Variants in RYR2 observed in about 807,000 individuals in gnomAD.
RYR2 encodes the protein cardiac muscle ryanodine receptor-calcium release channel.
A neutral mutation model predicts 601.1 loss-of-function variants in RYR2; 227 were observed. The observed-to-expected ratio is 0.38, with a 90% CI of 0.34 to 0.42. RYR2 has a LOEUF of 0.42. Ranked by LOEUF, RYR2 falls within the 10% of genes least tolerant of loss-of-function variation. The pLI is 1.00. For synonymous variants in RYR2, 2,223 were observed against 2,175.1 expected (o/e 1.02, Z -0.61); for missense variants, 4,646 against 6,156.5 (o/e 0.75, Z 8.21).
rs202231354 is a variant in RYR2 at position 237,441,432 on chromosome 1, T to C, written c.1119T>C (p.Thr373=). The part of the protein sequence containing the change: ...IQHVDTGLWL[T]YQSVDVKSVR... Reference sequence around the variant, plus strand: ...ATGTAGACACAGGCCTATGGCTTACTTACCAGTCTGTGGACGTGAAATCCG... The same window carrying C: ...ATGTAGACACAGGCCTATGGCTTACCTACCAGTCTGTGGACGTGAAATCCG... Residue 373 remains threonine (T), a synonymous_variant, in exon 13 of 105, where the codon ACT becomes ACC. Transcript: ENST00000366574. The C allele has an allele frequency of 1.2e-6, 2 of 1,608,372 alleles. No homozygotes were observed. The highest frequency in any genetic ancestry group is 1.7e-6 in the Non-Finnish European group (2 of 1,176,608).
At chr1:237,480,378 CAAAAAAA>C (rs61271895) in intron 17 of RYR2, among the ~76,000 whole-genome samples, 4 of 57,698 alleles carry the variant, frequency 6.9e-5, no homozygotes, top group Admixed American at 1.9e-4. Context: ...AAGATCATCT[CAAAAAAA>C]AAAAAAAAAA....
At chr1:237,664,646 G>T (rs1684127744) in intron 56 of RYR2, among the ~76,000 whole-genome samples, 1 of 152,262 alleles carries the variant, frequency 6.6e-6, no homozygotes, top group East Asian at 1.9e-4. Flanking sequence ...CTCCCACTGG[G>T]TACCCCCGAC....
At chr1:237,664,383 G>A (rs765680682) in intron 56 of RYR2, among the ~76,000 whole-genome samples, 13 of 152,126 alleles carry the variant, frequency 8.5e-5, no homozygotes, top group Non-Finnish European at 1.8e-4. Context: ...ACATTCTAAT[G>A]GGGGAAATAA....
rs116409357 is a variant in RYR2 at position 237,676,504 on chromosome 1, A to G, written c.8831-1544A>G. Reference sequence around the variant, plus strand: ...GCCCAGCCAAATAACCTTTTTCACAACTCCTGATGTTGTGTGTACCGTTTT... The same window carrying G: ...GCCCAGCCAAATAACCTTTTTCACAGCTCCTGATGTTGTGTGTACCGTTTT... On this transcript the variant is annotated intron_variant, in intron 60 of 104. Transcript: ENST00000366574. Among the ~76,000 whole-genome samples, 564 of 151,974 alleles carry G rather than the reference A, an allele frequency of 3.7e-3. 1 individual carries two copies. The highest frequency in any genetic ancestry group is 0.013 in the African/African-American group (536 of 41,456).
intron 76 of RYR2, among the ~76,000 whole-genome samples, chr1:237,729,577 T>C (rs1450604261): frequency 1.3e-5 from 2 of 152,176 alleles, no homozygotes; most frequent in African/African-American, 4.8e-5. Context: ...ATCACATCTG[T>C]TGTTGTTTTA....
At chr1:237,425,038 A>C (rs542012398) in intron 12 of RYR2, among the ~76,000 whole-genome samples, 30 of 151,984 alleles carry the variant, frequency 2.0e-4, no homozygotes, top group African/African-American at 6.5e-4. Context: ...ACAAGAAAAC[A>C]TATTCATTAT....
At chr1:237,125,997 G>C (rs1366132495) in intron 1 of RYR2, among the ~76,000 whole-genome samples, 1 of 152,206 alleles carries the variant, frequency 6.6e-6, no homozygotes, top group Non-Finnish European at 1.5e-5. Context: ...AACACTTTGG[G>C]AGGCCGAGGC....
intron 23 of RYR2, among the ~76,000 whole-genome samples, chr1:237,507,240 C>G (rs959908258): frequency 1.3e-5 from 2 of 152,156 alleles, no homozygotes; most frequent in African/African-American, 4.8e-5. Flanking sequence ...TGTGTAAAAG[C>G]GGAAACCTGT....
intron 34 of RYR2, among the ~76,000 whole-genome samples, chr1:237,599,225 G>A (rs1322388387): frequency 6.6e-6 from 1 of 152,074 alleles, no homozygotes; most frequent in Non-Finnish European, 1.5e-5. Context: ...AGACAAAGAT[G>A]CCCACTTTCA....
intron 1 of RYR2, among the ~76,000 whole-genome samples, chr1:237,094,572 ATAT>A (rs72373531): frequency 0.39 from 58,986 of 151,692 alleles, 12,192 homozygotes; most frequent in Middle Eastern, 0.46. Context: ...GTCTTTATAA[ATAT>A]TATTATTATT....
intron 10 of RYR2, among the ~76,000 whole-genome samples, chr1:237,388,787 A>C (rs1460305977): frequency 6.6e-6 from 1 of 152,202 alleles, no homozygotes; most frequent in Non-Finnish European, 1.5e-5. Context: ...TCTACCTTAC[A>C]AATTAATCAA....
chr1:237,815,445 G>C (rs1331727524), intron 100 of RYR2, among the ~76,000 whole-genome samples: 2 of 152,078 alleles, frequency 1.3e-5, no homozygotes, highest in East Asian at 1.9e-4. Flanking sequence ...GATGAAGCTG[G>C]GAAAACCAGT....
At position 237,654,273 on chromosome 1, in the gene RYR2, G is replaced by A; in HGVS notation, c.7825-1G>A. 6.2e-7 allele frequency: 1 copy of A among 1,613,562 alleles called. No homozygotes were observed. The highest frequency in any genetic ancestry group is 8.5e-7 in the Non-Finnish European group (1 of 1,179,686). On this transcript the variant is annotated splice_acceptor_variant, in intron 51 of 104. Transcript: ENST00000366574. LOFTEE classifies it high-confidence loss of function. ...GCTTTTATAATTGTTTTCCCACATA[G>A]CTGCTGACAAATCATTATGAAAGAT...
intron 63 of RYR2, among the ~76,000 whole-genome samples, chr1:237,688,269 G>T (rs1400461746): frequency 1.3e-5 from 2 of 152,042 alleles, no homozygotes; most frequent in Non-Finnish European, 2.9e-5. Flanking sequence ...AGACAGTGTT[G>T]GAGTAATTTT....
intron 17 of RYR2, among the ~76,000 whole-genome samples, chr1:237,486,492 A>G (rs1220262514): frequency 6.6e-6 from 1 of 152,012 alleles, no homozygotes; most frequent in Non-Finnish European, 1.5e-5. Context: ...TGGAATGAAA[A>G]TAAGTTTATA....
chr1:237,791,741 C>T (rs1445707170), intron 93 of RYR2: 1 of 569,918 alleles, frequency 1.8e-6, no homozygotes, highest in Non-Finnish European at 3.1e-6. Flanking sequence ...TAGCAGAGGG[C>T]TTCCCCACAG....
intron 29 of RYR2, among the ~76,000 whole-genome samples, chr1:237,586,236 C>T (rs1264875369): frequency 6.6e-6 from 1 of 152,118 alleles, no homozygotes; most frequent in Non-Finnish European, 1.5e-5. Context: ...TTAATTTTAT[C>T]TCTCTCTACA....
intron 8 of RYR2, among the ~76,000 whole-genome samples, chr1:237,381,251 CAAAAAAAAA>C (rs60493059): frequency 1.5e-4 from 7 of 45,768 alleles, no homozygotes; most frequent in Admixed American, 3.0e-4. Context: ...GACTCCGTCT[CAAAAAAAAA>C]AAAAAAAAAA....
chr1:237,599,145 C>A (rs2127159), intron 34 of RYR2, among the ~76,000 whole-genome samples: 1 of 151,940 alleles, frequency 6.6e-6, no homozygotes, highest in Non-Finnish European at 1.5e-5. Flanking sequence ...AATGAAAAGT[C>A]TCTATCAAAG....
Sources: gnomAD v4.1 joint callset for allele counts (sites outside exome capture counted in the v4.1 genomes callset) on GRCh38, gnomAD v4.1.1 for gene constraint, MANE v1.5 for transcripts, NCBI Gene and HGNC (gene_info 2026-07-23, HGNC 2026-07-21) for gene names.